Variants in CORO2A observed in about 807,000 individuals in gnomAD.
CORO2A encodes the protein coronin-2A.
Under a neutral mutation model 62.4 loss-of-function variants are expected in CORO2A, and 47 were observed. That is an observed-to-expected ratio of 0.75 (90% confidence interval 0.60 to 0.96). The LOEUF is 0.96. Among genes scored for constraint, CORO2A ranks in the 40% least tolerant of loss-of-function variants. CORO2A has a pLI of 0.00. For missense variants in CORO2A, 610 were observed against 684.1 expected, an observed-to-expected ratio of 0.89 and a Z score of 1.21; for synonymous variants, 273 against 268.9, an observed-to-expected ratio of 1.02 and a Z score of -0.15.
intron 2 of CORO2A, among the ~76,000 whole-genome samples, chr9:98,142,389 C>A (rs1475742357): frequency 6.6e-6 from 1 of 152,256 alleles, no homozygotes; most frequent in African/African-American, 2.4e-5. Flanking sequence ...TCTGAGGGAG[C>A]ACCAGTGAGT....
chr9:98,185,096 C>G (rs1387409097), intron 1 of CORO2A, among the ~76,000 whole-genome samples: 1 of 152,178 alleles, frequency 6.6e-6, no homozygotes, highest in Non-Finnish European at 1.5e-5. Context: ...CCTTCATAGT[C>G]TGGCCGTCTC....
At chr9:98,181,714 C>T (rs570945160) in intron 1 of CORO2A, among the ~76,000 whole-genome samples, 1 of 152,226 alleles carries the variant, frequency 6.6e-6, no homozygotes, top group African/African-American at 2.4e-5. Flanking sequence ...TGCCTCCCTC[C>T]CCACCCTTGC....
rs1407688966 is a variant in CORO2A at position 98,152,715 on chromosome 9, TACC to T, written c.201+4742_201+4744del. 3.9e-5 allele frequency among the ~76,000 whole-genome samples: 6 copies of T among 152,338 alleles called. No homozygotes were observed. In the South Asian group the frequency reaches 1.2e-3, roughly 32 times the overall value. Reference sequence around the variant, plus strand: ...ATGATGTAATGACCTAAAAATGATATACCACCACTCATGCAATATTCTTGCCAA... The same window carrying T: ...ATGATGTAATGACCTAAAAATGATATACCACTCATGCAATATTCTTGCCAA... On this transcript the variant is annotated intron_variant, in intron 2 of 11. Transcript: ENST00000375077.
rs1254023924 is a variant in CORO2A at position 98,192,598 on chromosome 9, G to C, written c.-40C>G. 6.6e-6 allele frequency: 1 copy of C among 150,610 alleles called. No individual in the cohort carries two copies. The highest frequency in any genetic ancestry group is 2.4e-5 in the African/African-American group (1 of 41,272). 9.3% of individuals were successfully genotyped at this position (150,610 alleles called of 1,614,324 possible). ...CGCAGGTGGCGGTGGCGGCGGCGGC[G>C]TCCAGCTCCGGCTCCGCGCTCCTCG... On this transcript the variant is annotated 5_prime_UTR_variant, in exon 1 of 12. Transcript: ENST00000375077.
chr9:98,144,717 G>A lies in CORO2A; in HGVS notation c.202-7029C>T, dbSNP rs139238220. 6.7e-3 allele frequency among the ~76,000 whole-genome samples: 1,027 copies of A among 152,274 alleles called. 8 individuals are homozygous for A. Among genetic ancestry groups the A allele is most frequent in the Middle Eastern group, 0.027 (8 of 294 alleles). ...TTTGACCAGGTCAGGTGGAGGGGAG[G>A]AATCTCAAGTCAGAAAGGCAGGGCC... On this transcript the variant is annotated intron_variant, in intron 2 of 11. Coordinates refer to ENST00000375077, the MANE Select transcript of CORO2A (RefSeq NM_052820.4).
intron 1 of CORO2A, among the ~76,000 whole-genome samples, chr9:98,166,002 T>C (rs968981801): frequency 6.6e-6 from 1 of 152,172 alleles, no homozygotes; most frequent in Non-Finnish European, 1.5e-5. Flanking sequence ...CTAAAAGAGA[T>C]AACCAGACAT....
In CORO2A at chr9:98,134,833, G is replaced by A; in HGVS notation, c.441C>T (p.Ile147=). The A allele has an allele frequency of 6.2e-7, 1 of 1,613,874 alleles. No homozygotes were observed. The highest frequency in any genetic ancestry group is 8.5e-7 in the Non-Finnish European group (1 of 1,179,876). The change falls in exon 4 of 12, where the codon ATC becomes ATT. Residue 147 remains isoleucine, a synonymous_variant. Coordinates refer to ENST00000375077, the MANE Select transcript of CORO2A (RefSeq NM_052820.4). ...TGTAGTCATAGCCAGCACTGAAGAG[G>A]ATGTTGGCGGCCGTGGGGTGCCACT... ...LVEWHPTAAN[I]LFSAGYDYKV...
In CORO2A at chr9:98,137,651, C is replaced by T; in HGVS notation, c.239G>A (p.Gly80Glu). 6.2e-7 allele frequency: 1 copy of T among 1,614,236 alleles called. No homozygotes were observed. The highest frequency in any genetic ancestry group is 1.7e-5 in the Admixed American group (1 of 60,026). ...KLDPHYPKVC[G>E]HRGNVLDVKW... ...GACATCCAAAACGTTGCCTCTGTGC[C>T]CGCAGACTTTTGGGTAGTGGGGGTC... The change falls in exon 3 of 12, where the codon GGG becomes GAG. Residue 80 changes from glycine to glutamate, a missense_variant. Physicochemically the swap from Gly to Glu is moderately conservative, Grantham distance 98. Coordinates refer to ENST00000375077, the MANE Select transcript of CORO2A (RefSeq NM_052820.4).
chr9:98,127,442 G>C (rs1327436768), intron 10 of CORO2A, among the ~76,000 whole-genome samples: 1 of 152,178 alleles, frequency 6.6e-6, no homozygotes, highest in African/African-American at 2.4e-5. Flanking sequence ...AGGAGCGGGA[G>C]AGTGGCTCAG....
At chr9:98,128,397 T>A in intron 9 of CORO2A, 137 bp from the exon 10 acceptor site, 1 of 822,808 alleles carries the variant, frequency 1.2e-6, no homozygotes, top group South Asian at 1.6e-5. Context: ...ACAAAGGGAC[T>A]TGCCCGAGGT....
chr9:98,139,433 G>A (rs1256179923), intron 2 of CORO2A, among the ~76,000 whole-genome samples: 3 of 152,102 alleles, frequency 2.0e-5, no homozygotes, highest in Non-Finnish European at 4.4e-5. Flanking sequence ...TTTGAGACCA[G>A]CCTGGTCAAT....
chr9:98,172,208 C>T (rs545791896), intron 1 of CORO2A, among the ~76,000 whole-genome samples: 3 of 150,492 alleles, frequency 2.0e-5, no homozygotes, highest in East Asian at 3.9e-4. Flanking sequence ...CTTCTGAGCT[C>T]GGCACCCCCA....
chr9:98,121,561 TTTG>T lies in CORO2A; in HGVS notation c.*3210_*3212del, dbSNP rs1335191433. On this transcript the variant is annotated 3_prime_UTR_variant, in exon 12 of 12. Coordinates refer to ENST00000375077, the MANE Select transcript of CORO2A (RefSeq NM_052820.4). ...TTTGTTCAAAGACACCTGTGTCCTG[TTTG>T]TTAAGTGTGCAGTCTGGGTCCCTTG... 5 of 152,208 alleles carry T rather than the reference TTTG, an allele frequency of 3.3e-5. No homozygotes were observed. The highest frequency in any genetic ancestry group is 3.3e-4 in the Admixed American group (5 of 15,276). 9.4% of individuals were successfully genotyped at this position (152,208 alleles called of 1,614,324 possible).
At chr9:98,132,831 T>C (rs1322885207) in intron 5 of CORO2A, among the ~76,000 whole-genome samples, 1 of 152,166 alleles carries the variant, frequency 6.6e-6, no homozygotes. Context: ...TCATTTCATC[T>C]CTCACGGGCC....
intron 1 of CORO2A, among the ~76,000 whole-genome samples, chr9:98,176,095 C>T (rs1374097383): frequency 6.6e-6 from 1 of 152,128 alleles, no homozygotes; most frequent in Non-Finnish European, 1.5e-5. Flanking sequence ...TATTTTTCCT[C>T]AAAGCGGCAA....
At chr9:98,164,282 C>T (rs1194169562) in intron 1 of CORO2A, among the ~76,000 whole-genome samples, 1 of 152,244 alleles carries the variant, frequency 6.6e-6, no homozygotes, top group Non-Finnish European at 1.5e-5. Context: ...TCACACAATA[C>T]ACGTCTCATC....
At chr9:98,155,195 G>GTT (rs372665626) in intron 2 of CORO2A, among the ~76,000 whole-genome samples, 35 of 152,242 alleles carry the variant, frequency 2.3e-4, no homozygotes, top group African/African-American at 8.4e-4. Flanking sequence ...TCTTTGCTAT[G>GTT]AAGTGCTGGT....
intron 1 of CORO2A, among the ~76,000 whole-genome samples, chr9:98,185,245 C>T (rs946232575): frequency 1.9e-4 from 29 of 152,328 alleles, no homozygotes; most frequent in Admixed American, 1.2e-3. Flanking sequence ...AACTGTAGTG[C>T]CCCTGCCAGG....
rs1009237706 is a variant in CORO2A, at chr9:98,123,521, A to C, written c.*1253T>G. ...TTTTTTTTTTTTTTTTTGGAGATGG[A>C]GTCTCGCTCTGTCACCCAGGCTGCA... On this transcript the variant is annotated 3_prime_UTR_variant, in exon 12 of 12. Coordinates refer to ENST00000375077, the MANE Select transcript of CORO2A (RefSeq NM_052820.4). 2 of 141,616 alleles carry C rather than the reference A, an allele frequency of 1.4e-5. No homozygotes were observed. The highest frequency in any genetic ancestry group is 5.5e-5 in the African/African-American group (2 of 36,600). The allele number at this position is 141,616 out of a possible 1,614,324, so 8.8% of individuals were successfully genotyped here. A position where few individuals can be genotyped will look rare whatever the true frequency, so the allele number is the denominator to read the frequency against.
Sources: gnomAD v4.1 joint callset for allele counts (sites outside exome capture counted in the v4.1 genomes callset) on GRCh38, gnomAD v4.1.1 for gene constraint, MANE v1.5 for transcripts, NCBI Gene and HGNC (gene_info 2026-07-23, HGNC 2026-07-21) for gene names.